The following AMPH variants were observed in gnomAD, a reference collection of about 807,000 sequenced individuals.
The protein encoded by AMPH is amphiphysin (Stiff-Mann syndrome with breast cancer 128kD autoantigen).
In AMPH, 49 loss-of-function variants were observed where a neutral mutation model predicts 99.1. That is an observed-to-expected ratio of 0.49 (90% CI 0.39 to 0.63). The LOEUF (loss-of-function observed/expected upper bound fraction) is 0.63. AMPH is among the 20% of genes least tolerant of loss of function. The probability of loss-of-function intolerance (pLI) is 0.00; values close to 1 mark genes in which losing one functional copy is unlikely to be tolerated. For missense variants in AMPH, 759 were observed against 863.4 expected, an observed-to-expected ratio of 0.88 and a Z score of 1.52; for synonymous variants, 314 against 317.3, an observed-to-expected ratio of 0.99 and a Z score of 0.11.
At chr7:38,402,899 A>G (rs965460836) in intron 17 of AMPH, among the ~76,000 whole-genome samples, 6 of 152,206 alleles carry the variant, frequency 3.9e-5, no homozygotes, top group African/African-American at 1.4e-4. Flanking sequence ...TTTAAGAGTA[A>G]AATCATTAAA....
At chr7:38,583,943 T>C (rs7785893) in intron 1 of AMPH, among the ~76,000 whole-genome samples, 4,424 of 152,330 alleles carry the variant, frequency 0.029, 196 homozygotes, top group African/African-American at 0.1. Flanking sequence ...TGAGTTCTGC[T>C]CTATAATGAC....
At chr7:38,561,341 C>T (rs1319065066) in intron 1 of AMPH, among the ~76,000 whole-genome samples, 1 of 152,236 alleles carries the variant, frequency 6.6e-6, no homozygotes, top group African/African-American at 2.4e-5. Flanking sequence ...GGTTAGACTG[C>T]TAGCCCTGTC....
chr7:38,577,367 C>T (rs1020080097), intron 1 of AMPH, among the ~76,000 whole-genome samples: 8 of 152,146 alleles, frequency 5.3e-5, no homozygotes, highest in East Asian at 1.9e-4. Flanking sequence ...TACGAGTCTT[C>T]GCTTCTCCAT....
intron 11 of AMPH, among the ~76,000 whole-genome samples, chr7:38,441,568 G>A (rs934837772): frequency 2.0e-5 from 3 of 151,414 alleles, no homozygotes; most frequent in Non-Finnish European, 2.9e-5. Flanking sequence ...AAACACAATG[G>A]AACCTCTTTC....
intron 2 of AMPH, among the ~76,000 whole-genome samples, chr7:38,532,710 A>G (rs77487505): frequency 0.06 from 9,120 of 151,466 alleles, 415 homozygotes; most frequent in Middle Eastern, 0.15. Flanking sequence ...ACAAAAAACA[A>G]TCCTCACCTG....
intron 1 of AMPH, among the ~76,000 whole-genome samples, chr7:38,557,355 T>A (rs934478852): frequency 6.6e-6 from 1 of 152,146 alleles, no homozygotes; most frequent in Non-Finnish European, 1.5e-5. Context: ...AATCCTCACA[T>A]TTTGTGAGAG....
chr7:38,462,006 A>C (rs1323735038), intron 10 of AMPH, among the ~76,000 whole-genome samples: 2 of 152,228 alleles, frequency 1.3e-5, no homozygotes, highest in Admixed American at 6.5e-5. Context: ...ATAGGCATTC[A>C]GCAGAATGTG....
intron 1 of AMPH, among the ~76,000 whole-genome samples, chr7:38,594,077 G>T (rs1466297365): frequency 6.6e-6 from 1 of 152,140 alleles, no homozygotes; most frequent in Non-Finnish European, 1.5e-5. Flanking sequence ...GGTGCAGGGG[G>T]TCACGGGAAG....
intron 17 of AMPH, among the ~76,000 whole-genome samples, chr7:38,409,307 CA>C (rs1242659396): frequency 6.6e-6 from 1 of 152,154 alleles, no homozygotes; most frequent in African/African-American, 2.4e-5. Flanking sequence ...AATGAAAATA[CA>C]GCATTTTCTT....
intron 11 of AMPH, among the ~76,000 whole-genome samples, chr7:38,450,343 A>T (rs1040094275): frequency 6.6e-6 from 1 of 152,194 alleles, no homozygotes; most frequent in Non-Finnish European, 1.5e-5. Context: ...ACTGGACACA[A>T]AGATAGACTC....
chr7:38,397,347 A>G (rs1784699982), intron 17 of AMPH, among the ~76,000 whole-genome samples: 1 of 152,230 alleles, frequency 6.6e-6, no homozygotes, highest in South Asian at 2.1e-4. Flanking sequence ...CCATACGAAC[A>G]TAATGTTTAT....
At chr7:38,536,638 T>G (rs746562691) in intron 1 of AMPH, among the ~76,000 whole-genome samples, 5 of 152,182 alleles carry the variant, frequency 3.3e-5, no homozygotes, top group Non-Finnish European at 7.4e-5. Flanking sequence ...TTATACAATA[T>G]CACTCAATTT....
intron 1 of AMPH, among the ~76,000 whole-genome samples, chr7:38,599,738 T>A (rs1793181136): frequency 6.6e-6 from 1 of 151,868 alleles, no homozygotes; most frequent in South Asian, 2.1e-4. Flanking sequence ...TTGGTCTGTA[T>A]TTGTTCTGTA....
chr7:38,553,553 G>A (rs1389631974), intron 1 of AMPH, among the ~76,000 whole-genome samples: 1 of 152,214 alleles, frequency 6.6e-6, no homozygotes, highest in Non-Finnish European at 1.5e-5. Context: ...ATCAAGCAGT[G>A]TGCATTTAAA....
Position 38,503,644 on chromosome 7 carries a change from C to T in AMPH, c.205+6G>A. 6.2e-7 allele frequency: 1 copy of T among 1,613,724 alleles called. No homozygotes were observed. The highest frequency in any genetic ancestry group is 8.5e-7 in the Non-Finnish European group (1 of 1,179,700). ...TAACATGCAGTAAACAACTCATACACATTACCTTTGATTGCTGCTAAATAT... is the reference window on the plus strand; with the variant it reads ...TAACATGCAGTAAACAACTCATACATATTACCTTTGATTGCTGCTAAATAT... On this transcript the variant is annotated splice_donor_region_variant and intron_variant, in intron 3 of 20. Coordinates refer to ENST00000356264, the MANE Select transcript of AMPH (RefSeq NM_001635.4).
Position 38,463,126 on chromosome 7 carries a change from A to G in AMPH, c.750-13T>C. ...AGGACCCGAATCACTAGAGGAACAC[A>G]GGGGATTGGGCAAGGGGCCTTCTCA... On this transcript the variant is annotated splice_polypyrimidine_tract_variant and intron_variant, in intron 9 of 20. Coordinates refer to ENST00000356264, the MANE Select transcript of AMPH (RefSeq NM_001635.4). The G allele has an allele frequency of 6.2e-7, 1 of 1,613,906 alleles. No individual in the cohort carries two copies.
intron 15 of AMPH, among the ~76,000 whole-genome samples, chr7:38,423,862 T>C (rs916832283): frequency 6.6e-6 from 1 of 152,170 alleles, no homozygotes; most frequent in African/African-American, 2.4e-5. Context: ...AGCAACATCC[T>C]TGCCTACCCT....
chr7:38,615,555 A>G (rs923824573), intron 1 of AMPH, among the ~76,000 whole-genome samples: 2 of 152,122 alleles, frequency 1.3e-5, no homozygotes, highest in African/African-American at 4.8e-5. Flanking sequence ...TGCAAAAAAG[A>G]GTAACAAAAG....
intron 1 of AMPH, among the ~76,000 whole-genome samples, chr7:38,592,730 CAAA>C (rs397755917): frequency 4.1e-5 from 4 of 98,686 alleles, no homozygotes; most frequent in Non-Finnish European, 6.3e-5. Context: ...GACTCCGTCT[CAAA>C]AAAAAAAAAA....
Sources: gnomAD v4.1 joint callset for allele counts (sites outside exome capture counted in the v4.1 genomes callset) on GRCh38, gnomAD v4.1.1 for gene constraint, MANE v1.5 for transcripts, NCBI Gene and HGNC (gene_info 2026-07-23, HGNC 2026-07-21) for gene names.